Variants in TLE3 observed in about 807,000 individuals in gnomAD.
TLE3 encodes transducin-like enhancer protein 3.
Under a neutral mutation model 93.0 loss-of-function variants are expected in TLE3, and 14 were observed. The observed-to-expected ratio is 0.15, with a 90% confidence interval of 0.10 to 0.24. The LOEUF is 0.24. Among genes scored for constraint, TLE3 ranks in the 10% least tolerant of loss-of-function variants. TLE3 has a pLI of 1.00. For missense variants in TLE3, 693 were observed against 1,046.6 expected, an observed-to-expected ratio of 0.66 and a Z score of 4.66; for synonymous variants, 451 against 425.0, an observed-to-expected ratio of 1.06 and a Z score of -0.75.
chr15:70,078,846 G>C (rs2057591045), intron 4 of TLE3, among the ~76,000 whole-genome samples: 2 of 152,258 alleles, frequency 1.3e-5, no homozygotes, highest in Admixed American at 6.5e-5. Context: ...GTCTCTGGGA[G>C]AGCAGGGAGG....
chr15:70,061,148 G>A lies in TLE3; in HGVS notation c.595-499C>T, dbSNP rs77426363. The stretch of plus-strand genomic sequence containing the variant: ...GGGGAGATTGATAGGGAAGGAGGGC[G>A]TCAGGCAGCCACCAACTTCCCAGTG... On this transcript the variant is annotated intron_variant, in intron 8 of 19. Coordinates refer to ENST00000451782, the MANE Select transcript of TLE3 (RefSeq NM_001105192.3). Among the ~76,000 whole-genome samples the A allele has an allele frequency of 6.0e-3, 908 of 152,248 alleles. 6 individuals are homozygous for A. Among genetic ancestry groups the A allele is most frequent in the African/African-American group, 0.02 (839 of 41,534 alleles).
In TLE3 at chr15:70,053,728, G is replaced by A. The variant is rs545204775; in HGVS notation, c.1827-354C>T. 5.7e-5 allele frequency: 11 copies of A among 193,172 alleles called. No homozygotes were observed. The East Asian group carries it at 1.4e-3, about 25-fold the overall frequency. The allele number at this position is 193,172 out of a possible 1,614,324, so 12.0% of individuals were successfully genotyped here. On this transcript the variant is annotated intron_variant, in intron 16 of 19. Coordinates refer to ENST00000451782, the MANE Select transcript of TLE3 (RefSeq NM_001105192.3). ...GTGAGGAAGGCAGGAAGGCCCTGGGGAAGCTACGTGTGAGATGACTGATAA... is the reference window on the plus strand; with the variant it reads ...GTGAGGAAGGCAGGAAGGCCCTGGGAAAGCTACGTGTGAGATGACTGATAA...
chr15:70,080,447 TACAG>T, intron 4 of TLE3, among the ~76,000 whole-genome samples: 1 of 152,282 alleles, frequency 6.6e-6, no homozygotes, highest in South Asian at 2.1e-4. Flanking sequence ...ATCTACTAGA[TACAG>T]ACAGAGAAGC....
At position 70,056,278 on chromosome 15, in the gene TLE3, T is replaced by A; in HGVS notation, c.1328+20A>T. On this transcript the variant is annotated intron_variant, in intron 14 of 19. Transcript: ENST00000451782. Reference sequence around the variant, plus strand: ...CCTGCCCACCCTACAAAGCATGCAGTAAGTATAGCCAAAGCTTACGGTTTT... The same window carrying A: ...CCTGCCCACCCTACAAAGCATGCAGAAAGTATAGCCAAAGCTTACGGTTTT... The A allele has an allele frequency of 6.2e-7, 1 of 1,612,638 alleles. No individual in the cohort carries two copies. Among genetic ancestry groups the A allele is most frequent in the Middle Eastern group, 1.6e-4 (1 of 6,062 alleles).
rs779990529 is a variant in TLE3 at position 70,058,151 on chromosome 15, C to T, written c.1051+8G>A. 2 of 1,613,992 alleles carry T rather than the reference C, an allele frequency of 1.2e-6. No individual in the cohort carries two copies. The highest frequency in any genetic ancestry group is 1.3e-5 in the African/African-American group (1 of 75,060). On this transcript the variant is annotated splice_region_variant and intron_variant, in intron 12 of 19. Coordinates refer to ENST00000451782, the MANE Select transcript of TLE3 (RefSeq NM_001105192.3). This position sits in a 1 kb window ranked among gnomAD's most constrained non-coding sequence, Gnocchi z 4.1. ...ATTAACCCAGCCCATGGTGCCTACC[C>T]ATTATACCTATCGGGTCCATGCCCG...
chr15:70,063,327 A>T (rs1354530807), intron 8 of TLE3, among the ~76,000 whole-genome samples: 1 of 152,234 alleles, frequency 6.6e-6, no homozygotes, highest in East Asian at 1.9e-4. Flanking sequence ...ATCAGTACCG[A>T]GGCAGTGAAC....
At chr15:70,078,389 A>G (rs1190480464) in intron 4 of TLE3, among the ~76,000 whole-genome samples, 4 of 150,480 alleles carry the variant, frequency 2.7e-5, no homozygotes, top group Non-Finnish European at 5.9e-5. Flanking sequence ...GTAAAAAACA[A>G]AAAGCAAACA....
chr15:70,056,507 G>C, intron 13 of TLE3, 133 bp from the exon 14 acceptor site: 1 of 784,954 alleles, frequency 1.3e-6, no homozygotes, highest in African/African-American at 1.7e-5. Flanking sequence ...AAGCTGAGCA[G>C]AGCAGAGCCC....
intron 9 of TLE3, 132 bp from the exon 10 acceptor site, chr15:70,059,592 T>C: frequency 1.2e-6 from 1 of 806,288 alleles, no homozygotes; most frequent in Non-Finnish European, 2.0e-6. Context: ...CCATGCTTTC[T>C]ACTCCAGCCC....
chr15:70,096,674 C>A, intron 1 of TLE3, 101 bp downstream of exon 1: 1 of 1,561,248 alleles, frequency 6.4e-7, no homozygotes, highest in African/African-American at 1.4e-5. Flanking sequence ...CAAACACACA[C>A]ACCATAAAGG....
At chr15:70,093,038 A>G (rs1234713233) in intron 4 of TLE3, among the ~76,000 whole-genome samples, 1 of 152,198 alleles carries the variant, frequency 6.6e-6, no homozygotes, top group Non-Finnish European at 1.5e-5. Context: ...CTGGGCCCCC[A>G]GTTCCATTTC....
intron 4 of TLE3, among the ~76,000 whole-genome samples, chr15:70,078,261 C>T (rs557974973): frequency 2.0e-5 from 3 of 152,202 alleles, no homozygotes; most frequent in Admixed American, 6.5e-5. Context: ...CAAAAAAGTC[C>T]GGGTTGGATA....
intron 4 of TLE3, among the ~76,000 whole-genome samples, chr15:70,087,075 G>C (rs1257128013): frequency 2.6e-5 from 4 of 152,134 alleles, no homozygotes; most frequent in African/African-American, 9.7e-5. Flanking sequence ...CACTATTCAG[G>C]GTCAGAGAGA....
At chr15:70,066,825 A>C in intron 6 of TLE3, 1 of 232,124 alleles carries the variant, frequency 4.3e-6, no homozygotes, top group South Asian at 4.0e-5. Flanking sequence ...GGGTAACTGG[A>C]AGAGTGGAGG....
rs2055315747 is a variant in TLE3 at position 70,049,299 on chromosome 15, CG to C, written c.*797del. 1 of 152,232 alleles carries C rather than the reference CG, an allele frequency of 6.6e-6. No individual in the cohort carries two copies. The highest frequency in any genetic ancestry group is 1.5e-5 in the Non-Finnish European group (1 of 68,088). The allele number at this position is 152,232 out of a possible 1,614,324, so 9.4% of individuals were successfully genotyped here. ...AGAAAGCTCCATTTCTGCGGGTGTCCGCCTGGACGGGCCCCCATCTCAGTGC... is the reference window on the plus strand; with the variant it reads ...AGAAAGCTCCATTTCTGCGGGTGTCCCCTGGACGGGCCCCCATCTCAGTGC... On this transcript the variant is annotated 3_prime_UTR_variant, in exon 20 of 20. Coordinates refer to ENST00000451782, the MANE Select transcript of TLE3 (RefSeq NM_001105192.3).
chr15:70,052,266 G>C, intron 18 of TLE3, 108 bp downstream of exon 18: 1 of 1,422,442 alleles, frequency 7.0e-7, no homozygotes, highest in Non-Finnish European at 9.5e-7. Context: ...CCTGGTTCCA[G>C]GGCCTAGCTT....
rs377571879 is a variant in TLE3, at chr15:70,058,750, A to T, written c.831T>A (p.Arg277=). Residue 277 remains arginine (R), a synonymous_variant, in exon 11 of 20, where the codon CGT becomes CGA. Transcript: ENST00000451782. The surrounding 1 kb of genome is among the most constrained non-coding windows in gnomAD (Gnocchi z 4.1). ...SPPENGLDKA[R]SLKKDAPTSP... ...TGGTGGGGGCATCTTTTTTCAGGCT[A>T]CGGGCCTTGTCCAGCCCATTTTCAG... 1.9e-6 allele frequency: 3 copies of T among 1,610,924 alleles called. No homozygotes were observed. Among genetic ancestry groups the T allele is most frequent in the Non-Finnish European group, 1.7e-6 (2 of 1,178,760 alleles).
chr15:70,072,021 G>A (rs377400228), intron 6 of TLE3, among the ~76,000 whole-genome samples: 12 of 152,350 alleles, frequency 7.9e-5, no homozygotes, highest in Admixed American at 3.9e-4. Context: ...TCGGCTGTCC[G>A]TAATTCCTGC....
intron 5 of TLE3, 138 bp from the exon 6 acceptor site, chr15:70,074,745 G>A: frequency 1.8e-6 from 1 of 567,514 alleles, no homozygotes; most frequent in Non-Finnish European, 3.0e-6. Flanking sequence ...CAGGGCACAA[G>A]TAGGGGGGAG....
Sources: allele counts gnomAD v4.1 joint callset (sites outside exome capture counted in the v4.1 genomes callset), GRCh38; gene constraint gnomAD v4.1.1; non-coding constraint Gnocchi (gnomAD v3.1); transcripts MANE v1.5; gene names NCBI Gene and HGNC (gene_info 2026-07-23, HGNC 2026-07-21).